SASS6: variants seen among roughly 807,000 people sequenced by gnomAD.
SASS6 encodes the protein SAS-6 centriolar assembly protein.
Under a neutral mutation model 94.9 loss-of-function variants are expected in SASS6, and 59 were observed. The ratio of observed to expected loss-of-function variants is 0.62; its 90% confidence interval spans 0.50 to 0.77. The LOEUF (loss-of-function observed/expected upper bound fraction) is 0.77. Among genes scored for constraint, SASS6 ranks in the 30% least tolerant of loss-of-function variants. The probability of loss-of-function intolerance (pLI) is 0.00; values close to 1 mark genes in which losing one functional copy is unlikely to be tolerated. For missense variants in SASS6, 698 were observed against 734.1 expected (o/e 0.95, Z 0.57); for synonymous variants, 264 against 270.0 (o/e 0.98, Z 0.22).
intron 14 of SASS6, among the ~76,000 whole-genome samples, chr1:100,095,733 C>G (rs1391315573): frequency 1.3e-5 from 2 of 152,052 alleles, no homozygotes; most frequent in African/African-American, 4.8e-5. Context: ...TTTCAAGATA[C>G]AAGATCAACA....
intron 2 of SASS6, among the ~76,000 whole-genome samples, chr1:100,124,969 A>G (rs1570711406): frequency 6.6e-6 from 1 of 151,880 alleles, no homozygotes; most frequent in African/African-American, 2.4e-5. Flanking sequence ...CCTGCCACTC[A>G]CCTCCTGCTG....
chr1:100,108,084 A>G lies in SASS6; in HGVS notation c.862-80T>C, dbSNP rs1415140901. On this transcript the variant is annotated intron_variant, in intron 8 of 16. Transcript: ENST00000287482. ...CTGGTTATTTATAATTAAGATGTCT[A>G]ACATATTAAAAAAAAGTCTTTAATA... 1.1e-5 allele frequency: 8 copies of G among 747,748 alleles called. No individual in the cohort carries two copies. In the Admixed American group the frequency reaches 2.5e-4, roughly 24 times the overall value. The allele number at this position is 747,748 out of a possible 1,614,324, so 46.3% of individuals were successfully genotyped here.
intron 15 of SASS6, among the ~76,000 whole-genome samples, chr1:100,086,126 G>A (rs1364860881): frequency 1.4e-5 from 2 of 142,480 alleles, no homozygotes; most frequent in African/African-American, 5.3e-5. Flanking sequence ...GAGAAAGAAG[G>A]GCATTTCTGT....
At chr1:100,119,207 G>T (rs2101682027) in intron 6 of SASS6, 70 bp from the exon 7 acceptor site, 2 of 833,622 alleles carry the variant, frequency 2.4e-6, no homozygotes, top group South Asian at 2.8e-5. Flanking sequence ...TTAGAATATA[G>T]CAATATTTAC....
intron 14 of SASS6, among the ~76,000 whole-genome samples, chr1:100,097,355 C>T (rs532057507): frequency 6.6e-6 from 1 of 152,202 alleles, no homozygotes; most frequent in Non-Finnish European, 1.5e-5. Flanking sequence ...CATATGTTCA[C>T]AGCAGCTTAA....
At chr1:100,127,619 A>C (rs1002093795) in intron 1 of SASS6, among the ~76,000 whole-genome samples, 1 of 152,232 alleles carries the variant, frequency 6.6e-6, no homozygotes, top group African/African-American at 2.4e-5. Flanking sequence ...AAACAAGAGA[A>C]TACACTGTTG....
intron 8 of SASS6, 128 bp downstream of exon 8, chr1:100,110,164 G>T: frequency 2.2e-6 from 1 of 457,392 alleles, no homozygotes; most frequent in South Asian, 6.3e-5. Flanking sequence ...TCTTTGCATT[G>T]TCTGAATGGA....
At chr1:100,112,734 G>A (rs2101671939) in intron 7 of SASS6, among the ~76,000 whole-genome samples, 1 of 152,304 alleles carries the variant, frequency 6.6e-6, no homozygotes, top group East Asian at 1.9e-4. Context: ...CCTAATTTGA[G>A]AAAGAGCACA....
At position 100,089,829 on chromosome 1, in the gene SASS6, G is replaced by A. The variant is rs141924669; in HGVS notation, c.1675-1593C>T. ...CATAAAGGAAAAAAGTGTGTAAATA[G>A]TAATGTATGGGTTAACCAAGGAGAT... On this transcript the variant is annotated intron_variant, in intron 14 of 16. Coordinates refer to ENST00000287482, the MANE Select transcript of SASS6 (RefSeq NM_194292.3). Among the ~76,000 whole-genome samples the A allele has an allele frequency of 1.6e-3, 242 of 151,864 alleles. 1 individual carries two copies. The highest frequency in any genetic ancestry group is 5.3e-3 in the African/African-American group (218 of 41,442).
rs1250512637 is a variant in SASS6 at position 100,114,233 on chromosome 1, T to C, written c.670-3750A>G. Among the ~76,000 whole-genome samples, 3 of 152,272 alleles carry C rather than the reference T, an allele frequency of 2.0e-5. No homozygotes were observed. In the South Asian group the frequency reaches 6.2e-4, roughly 32 times the overall value. ...ACAGATTAATTCCCTGTTATTTCACTGTTTCAAAGAATAAAGAAAACTGAA... is the reference window on the plus strand; with the variant it reads ...ACAGATTAATTCCCTGTTATTTCACCGTTTCAAAGAATAAAGAAAACTGAA... On this transcript the variant is annotated intron_variant, in intron 7 of 16. Coordinates refer to ENST00000287482, the MANE Select transcript of SASS6 (RefSeq NM_194292.3).
At chr1:100,110,706 C>A (rs1378055966) in intron 7 of SASS6, among the ~76,000 whole-genome samples, 2 of 151,820 alleles carry the variant, frequency 1.3e-5, no homozygotes, top group Admixed American at 1.3e-4. Context: ...AATTTACCAC[C>A]ATGATCTTGT....
chr1:100,112,990 T>C (rs372717297), intron 7 of SASS6, among the ~76,000 whole-genome samples: 6 of 152,330 alleles, frequency 3.9e-5, no homozygotes, highest in African/African-American at 1.4e-4. Flanking sequence ...AAGGGCTGCC[T>C]AACAATCCTA....
intron 7 of SASS6, among the ~76,000 whole-genome samples, chr1:100,113,546 G>A (rs559994331): frequency 2.6e-5 from 4 of 151,536 alleles, no homozygotes; most frequent in Non-Finnish European, 5.9e-5. Context: ...GCGTGAACCC[G>A]GGAGGCAGAG....
chr1:100,085,477 C>A (rs762076447), intron 16 of SASS6, 43 bp from the exon 17 acceptor site: 1 of 1,557,630 alleles, frequency 6.4e-7, no homozygotes, highest in East Asian at 2.2e-5. Flanking sequence ...TTCATTAAGT[C>A]TTCATACATT....
At chr1:100,102,700 G>A (rs1012562077) in intron 14 of SASS6, among the ~76,000 whole-genome samples, 3 of 148,434 alleles carry the variant, frequency 2.0e-5, no homozygotes, top group East Asian at 1.9e-4. Flanking sequence ...AAAAAGGAGA[G>A]GTTGAGTAGA....
chr1:100,105,219 G>C (rs763345934), intron 13 of SASS6, among the ~76,000 whole-genome samples: 2 of 152,126 alleles, frequency 1.3e-5, no homozygotes, highest in African/African-American at 4.8e-5. Flanking sequence ...TCAATATCCA[G>C]TCAAGACTTA....
At chr1:100,131,963 C>T (rs1413824216) in intron 1 of SASS6, among the ~76,000 whole-genome samples, 2 of 151,890 alleles carry the variant, frequency 1.3e-5, no homozygotes, top group African/African-American at 4.9e-5. Flanking sequence ...AAGAGACAAC[C>T]ATTGAGTGTT....
chr1:100,090,817 G>A (rs1259207727), intron 14 of SASS6, among the ~76,000 whole-genome samples: 1 of 152,090 alleles, frequency 6.6e-6, no homozygotes, highest in Admixed American at 6.5e-5. Context: ...GGAAATCATG[G>A]AGAGAAAACT....
At chr1:100,091,951 C>T (rs1417379569) in intron 14 of SASS6, among the ~76,000 whole-genome samples, 2 of 124,054 alleles carry the variant, frequency 1.6e-5, no homozygotes. Context: ...AAGGCTGCCA[C>T]AAGTTCTGTT....
Sources: gnomAD v4.1 joint callset for allele counts (sites outside exome capture counted in the v4.1 genomes callset) on GRCh38, gnomAD v4.1.1 for gene constraint, MANE v1.5 for transcripts, NCBI Gene and HGNC (gene_info 2026-07-23, HGNC 2026-07-21) for gene names.